GRID2: variants seen among roughly 807,000 people sequenced by gnomAD.
GRID2 encodes the protein glutamate receptor ionotropic, delta-2.
Under a neutral mutation model 114.8 loss-of-function variants are expected in GRID2, and 33 were observed. That is an observed-to-expected ratio of 0.29 (90% CI 0.22 to 0.38). The LOEUF (loss-of-function observed/expected upper bound fraction) is 0.38. GRID2 is among the 10% of genes least tolerant of loss of function. The pLI, the probability that GRID2 is intolerant of heterozygous loss-of-function variation, is 1.00. For missense variants in GRID2, 1,184 were observed against 1,257.7 expected, an observed-to-expected ratio of 0.94 and a Z score of 0.89; for synonymous variants, 505 against 449.9, an observed-to-expected ratio of 1.12 and a Z score of -1.55.
intron 8 of GRID2, among the ~76,000 whole-genome samples, chr4:93,297,530 C>A (rs932547215): frequency 6.6e-6 from 1 of 152,148 alleles, no homozygotes; most frequent in Non-Finnish European, 1.5e-5. Context: ...AATTCGGGCT[C>A]TGCAATGAGA....
At chr4:93,809,050 G>T (rs1438768591) in exon 2 of GRID2, 3 of 152,034 alleles carry the variant, frequency 2.0e-5, no homozygotes, top group Non-Finnish European at 4.4e-5. Flanking sequence ...TCTGATTTTT[G>T]ATTTGTCGAC....
chr4:93,238,517 G>A (rs769631953), intron 8 of GRID2, 27 bp downstream of exon 8: 124 of 1,585,882 alleles, frequency 7.8e-5, no homozygotes, highest in Non-Finnish European at 1.0e-4. Context: ...TGATTAATAC[G>A]CTTTTTCCTA....
intron 2 of GRID2, among the ~76,000 whole-genome samples, chr4:92,699,292 T>G (rs573914746): frequency 6.6e-6 from 1 of 152,288 alleles, no homozygotes; most frequent in South Asian, 2.1e-4. Context: ...CTGATAATGC[T>G]ATAATGATAT....
intron 14 of GRID2, among the ~76,000 whole-genome samples, chr4:93,730,927 C>T (rs933453857): frequency 2.0e-5 from 3 of 152,194 alleles, no homozygotes; most frequent in Non-Finnish European, 4.4e-5. Context: ...TTGACTGCAA[C>T]TCCCTTTAGA....
chr4:92,429,328 A>T (rs1203201835), intron 1 of GRID2, among the ~76,000 whole-genome samples: 3 of 152,202 alleles, frequency 2.0e-5, no homozygotes, highest in South Asian at 2.1e-4. Context: ...TAGATCTCAC[A>T]TGAGTGAGAA....
chr4:93,133,352 T>G (rs989005129), intron 4 of GRID2, among the ~76,000 whole-genome samples: 2 of 152,222 alleles, frequency 1.3e-5, no homozygotes, highest in African/African-American at 4.8e-5. Flanking sequence ...ACACTGCTCT[T>G]CAGAAATAGT....
chr4:92,876,655 A>G (rs1052838820), intron 2 of GRID2, among the ~76,000 whole-genome samples: 1 of 152,180 alleles, frequency 6.6e-6, no homozygotes, highest in African/African-American at 2.4e-5. Flanking sequence ...ATCAGTGCAC[A>G]TCTTATCTAC....
chr4:92,771,818 T>G (rs1315898753), intron 2 of GRID2, among the ~76,000 whole-genome samples: 1 of 152,174 alleles, frequency 6.6e-6, no homozygotes, highest in Non-Finnish European at 1.5e-5. Flanking sequence ...AGGGAGGTAA[T>G]GCCTTTTCTG....
intron 3 of GRID2, among the ~76,000 whole-genome samples, chr4:93,098,719 A>G (rs1731439219): frequency 6.6e-6 from 1 of 151,938 alleles, no homozygotes; most frequent in African/African-American, 2.4e-5. Flanking sequence ...CCTAGTAACA[A>G]TAACAACCCA....
At chr4:92,809,779 A>G (rs1488825213) in intron 2 of GRID2, among the ~76,000 whole-genome samples, 1 of 152,032 alleles carries the variant, frequency 6.6e-6, no homozygotes. Context: ...TGAAGGTATT[A>G]CCTACCAAAC....
intron 2 of GRID2, among the ~76,000 whole-genome samples, chr4:93,067,339 A>G (rs1470296402): frequency 6.6e-6 from 1 of 152,090 alleles, no homozygotes; most frequent in Non-Finnish European, 1.5e-5. Context: ...ATTTATAAAC[A>G]AAAGAAATGT....
chr4:93,554,497 G>T (rs985155258), intron 13 of GRID2, among the ~76,000 whole-genome samples: 1 of 152,046 alleles, frequency 6.6e-6, no homozygotes, highest in Non-Finnish European at 1.5e-5. Context: ...TGGGGTACTT[G>T]TGATATTCTG....
At chr4:93,334,889 C>G (rs1758876715) in intron 8 of GRID2, among the ~76,000 whole-genome samples, 1 of 151,988 alleles carries the variant, frequency 6.6e-6, no homozygotes, top group South Asian at 2.1e-4. Context: ...TGAGATCACG[C>G]CATTGCATTC....
At chr4:92,766,961 T>A (rs921835714) in intron 2 of GRID2, among the ~76,000 whole-genome samples, 2 of 152,220 alleles carry the variant, frequency 1.3e-5, no homozygotes, top group South Asian at 2.1e-4. Context: ...TAAGTCTGAA[T>A]GCTAATAGTC....
chr4:93,267,559 G>T (rs1373960663), intron 8 of GRID2, among the ~76,000 whole-genome samples: 1 of 152,186 alleles, frequency 6.6e-6, no homozygotes. Context: ...CTAGTGCTAA[G>T]TCAGAATACT....
intron 13 of GRID2, among the ~76,000 whole-genome samples, chr4:93,581,885 C>A (rs562246991): frequency 6.6e-6 from 1 of 152,036 alleles, no homozygotes; most frequent in African/African-American, 2.4e-5. Context: ...AAAGAGATGC[C>A]ATGTTCTCTT....
At chr4:92,773,366 T>G (rs1409243348) in intron 2 of GRID2, among the ~76,000 whole-genome samples, 2 of 152,204 alleles carry the variant, frequency 1.3e-5, no homozygotes, top group African/African-American at 2.4e-5. Flanking sequence ...AACTCAGTTA[T>G]GTCTTTTCAC....
chr4:93,675,268 C>T (rs1422074187), intron 14 of GRID2, among the ~76,000 whole-genome samples: 1 of 152,024 alleles, frequency 6.6e-6, no homozygotes, highest in Non-Finnish European at 1.5e-5. Flanking sequence ...AAGACCTTGA[C>T]TTAAATAACT....
intron 8 of GRID2, among the ~76,000 whole-genome samples, chr4:93,365,011 A>G (rs935198056): frequency 6.6e-6 from 1 of 151,458 alleles, no homozygotes; most frequent in Non-Finnish European, 1.5e-5. Flanking sequence ...TTCTTTTCTC[A>G]TATTATCTCA....
Sources: allele counts gnomAD v4.1 joint callset (sites outside exome capture counted in the v4.1 genomes callset), GRCh38; gene constraint gnomAD v4.1.1; transcripts MANE v1.5; gene names NCBI Gene and HGNC (gene_info 2026-07-23, HGNC 2026-07-21).